The following SYT11 variants were observed in gnomAD, a reference collection of about 807,000 sequenced individuals.
SYT11 encodes synaptotagmin-11.
Under a neutral mutation model 30.4 loss-of-function variants are expected in SYT11, and 12 were observed. That is an observed-to-expected ratio of 0.39 (90% CI 0.25 to 0.64). The LOEUF (loss-of-function observed/expected upper bound fraction) is 0.64. Among genes scored for constraint, SYT11 ranks in the 30% least tolerant of loss-of-function variants. The pLI is 0.45. For synonymous variants in SYT11, 204 were observed against 216.0 expected (o/e 0.94, Z 0.49); for missense variants, 412 against 552.0 (o/e 0.75, Z 2.54).
intron 1 of SYT11, among the ~76,000 whole-genome samples, chr1:155,863,285 TA>T (rs1672620698): frequency 6.6e-6 from 1 of 151,834 alleles, no homozygotes; most frequent in Non-Finnish European, 1.5e-5. Context: ...ACCTTGTCTC[TA>T]AAAAAAATTT....
In SYT11 at chr1:155,880,550, G is replaced by A. The variant is rs749147221; in HGVS notation, c.912G>A (p.Val304=). 50 of 1,614,068 alleles carry A rather than the reference G, an allele frequency of 3.1e-5. No homozygotes were observed. Among genetic ancestry groups the A allele is most frequent in the Non-Finnish European group, 4.2e-5 (50 of 1,179,976 alleles). ...AGGTGTCTCTGTCATATCAGCCTGT[G>A]GCACAGAGAATGACAGTGGTGGTCC... is the stretch of plus-strand genomic sequence containing the variant. ...ELQVSLSYQP[V]AQRMTVVVLK... The change falls in exon 3 of 4, where the codon GTG becomes GTA. Residue 304 remains valine, a synonymous_variant. Coordinates refer to ENST00000368324, the MANE Select transcript of SYT11 (RefSeq NM_152280.5).
Position 155,883,739 on chromosome 1 carries a change from A to G in SYT11, c.*2231A>G, listed in dbSNP as rs1200377622. ...TTTGGCGAAGGGAGTCGGAAAGCTGAGTCTCTATGGACGGGGGGGTGATCT... is the reference window on the plus strand; with the variant it reads ...TTTGGCGAAGGGAGTCGGAAAGCTGGGTCTCTATGGACGGGGGGGTGATCT... On this transcript the variant is annotated 3_prime_UTR_variant, in exon 4 of 4. Transcript: ENST00000368324. 6.6e-6 allele frequency: 1 copy of G among 152,194 alleles called. No homozygotes were observed. The highest frequency in any genetic ancestry group is 2.4e-5 in the African/African-American group (1 of 41,396). The allele number at this position is 152,194 out of a possible 1,614,324, so 9.4% of individuals were successfully genotyped here.
chr1:155,879,955 A>C (rs1274875254), intron 2 of SYT11, among the ~76,000 whole-genome samples: 1 of 152,164 alleles, frequency 6.6e-6, no homozygotes, highest in Non-Finnish European at 1.5e-5. Context: ...GCATTTTGGG[A>C]GGCTGAGGCG....
rs1398846938 is a variant in SYT11, at chr1:155,860,233, G to T, written c.34+438G>T. Among the ~76,000 whole-genome samples, 1 of 152,204 alleles carries T rather than the reference G, an allele frequency of 6.6e-6. No individual in the cohort carries two copies. Among genetic ancestry groups the T allele is most frequent in the Non-Finnish European group, 1.5e-5 (1 of 68,030 alleles). On this transcript the variant is annotated intron_variant, in intron 1 of 3. Transcript: ENST00000368324. This position sits in a 1 kb window ranked among gnomAD's most constrained non-coding sequence, Gnocchi z 4.1. ...GGGAGGGAAGTGACAAGGGGGATGG[G>T]GCATCAAGATGGCAGCTTGGAGACT...
At chr1:155,879,259 A>G (rs984464970) in intron 2 of SYT11, among the ~76,000 whole-genome samples, 1 of 151,764 alleles carries the variant, frequency 6.6e-6, no homozygotes, top group Non-Finnish European at 1.5e-5. Flanking sequence ...TTTACTAAGA[A>G]TACAAAAATT....
intron 3 of SYT11, 127 bp downstream of exon 3, chr1:155,880,750 A>G (rs1430570585): frequency 8.6e-7 from 1 of 1,158,182 alleles, no homozygotes; most frequent in East Asian, 2.4e-5. Flanking sequence ...CTCTTTCTGT[A>G]GACATTCTCT....
intron 2 of SYT11, among the ~76,000 whole-genome samples, chr1:155,869,045 A>T (rs1672739047): frequency 6.6e-6 from 1 of 152,164 alleles, no homozygotes; most frequent in Non-Finnish European, 1.5e-5. Flanking sequence ...TGGCATCCTG[A>T]TGCTGTCCAG....
intron 2 of SYT11, among the ~76,000 whole-genome samples, chr1:155,872,165 A>C (rs1243803668): frequency 6.6e-6 from 1 of 152,234 alleles, no homozygotes; most frequent in East Asian, 1.9e-4. Flanking sequence ...TTGGAAGGCC[A>C]AGGCGGGAAG....
intron 2 of SYT11, among the ~76,000 whole-genome samples, chr1:155,877,220 A>G (rs1672879163): frequency 6.6e-6 from 1 of 151,750 alleles, no homozygotes; most frequent in Non-Finnish European, 1.5e-5. Context: ...CGCCCACCTC[A>G]GCCTCCCAAA....
chr1:155,872,013 A>C (rs1460368629), intron 2 of SYT11, among the ~76,000 whole-genome samples: 1 of 152,156 alleles, frequency 6.6e-6, no homozygotes, highest in Non-Finnish European at 1.5e-5. Flanking sequence ...TCTGGATTAC[A>C]TAGACCAGGA....
intron 2 of SYT11, among the ~76,000 whole-genome samples, chr1:155,871,294 G>A (rs1171216344): frequency 2.0e-5 from 3 of 151,958 alleles, no homozygotes; most frequent in South Asian, 2.1e-4. Flanking sequence ...GGGCTCTGCC[G>A]ACCCATTCTG....
rs1370893128 is a variant in SYT11, at chr1:155,885,052, A to C, written c.*3544A>C. 6.5e-6 allele frequency: 1 copy of C among 152,798 alleles called. No individual in the cohort carries two copies. The highest frequency in any genetic ancestry group is 2.1e-4 in the South Asian group (1 of 4,836). The allele number at this position is 152,798 out of a possible 1,614,324, so 9.5% of individuals were successfully genotyped here. ...AATAAATGTGTCAAATTTTGAAAAA[A>C]AAAGAAAACTGAAAAAGCTAACATG... On this transcript the variant is annotated 3_prime_UTR_variant, in exon 4 of 4. Coordinates refer to ENST00000368324, the MANE Select transcript of SYT11 (RefSeq NM_152280.5).
At position 155,869,310 on chromosome 1, in the gene SYT11, G is replaced by A. The variant is rs145863459; in HGVS notation, c.861+519G>A. The stretch of plus-strand genomic sequence containing the variant: ...TTTGAGACAGAGTTTCACTCTTGTC[G>A]CCCAGGCTGGAGTGCAATGGCGCAA... On this transcript the variant is annotated intron_variant, in intron 2 of 3. Coordinates refer to ENST00000368324, the MANE Select transcript of SYT11 (RefSeq NM_152280.5). Among the ~76,000 whole-genome samples the A allele has an allele frequency of 4.5e-3, 500 of 111,156 alleles. 6 individuals carry two copies. The highest frequency in any genetic ancestry group is 0.016 in the African/African-American group (474 of 28,780). 72.9% of individuals were successfully genotyped at this position (111,156 alleles called of 152,430 possible). A position where few individuals can be genotyped will look rare whatever the true frequency, so the allele number is the denominator to read the frequency against.
In SYT11 at chr1:155,868,202, G is replaced by T. The variant is rs528248189; in HGVS notation, c.272G>T (p.Arg91Leu). 2 of 1,614,162 alleles carry T rather than the reference G, an allele frequency of 1.2e-6. No homozygotes were observed. Among genetic ancestry groups the T allele is most frequent in the Non-Finnish European group, 1.7e-6 (2 of 1,180,008 alleles). Residue 91 changes from arginine to leucine, a missense_variant, in exon 2 of 4, where the codon CGT (arginine) becomes CTT (leucine). By Grantham distance (102) the Arg-to-Leu change is moderately radical. Coordinates refer to ENST00000368324, the MANE Select transcript of SYT11 (RefSeq NM_152280.5). This position sits in a 1 kb window ranked among gnomAD's most constrained non-coding sequence, Gnocchi z 4.7. ...GATGGTCCTGGGAGGGAAGGTGGAC[G>T]TAGGAACCTGTTGGTGGACGCAGCA... ...DKDGPGREGG[R>L]RNLLVDAAEA...
chr1:155,873,558 A>G (rs1160977927), intron 2 of SYT11, among the ~76,000 whole-genome samples: 2 of 152,248 alleles, frequency 1.3e-5, no homozygotes, highest in African/African-American at 4.8e-5. Flanking sequence ...AGAAATGGAT[A>G]TATCAAACCT....
At chr1:155,864,538 T>C (rs1480150193) in intron 1 of SYT11, among the ~76,000 whole-genome samples, 1 of 152,092 alleles carries the variant, frequency 6.6e-6, no homozygotes, top group African/African-American at 2.4e-5. Context: ...ATACCTCTAA[T>C]AGAAGGGAAA....
chr1:155,866,109 T>C, intron 1 of SYT11, among the ~76,000 whole-genome samples: 1 of 54,856 alleles, frequency 1.8e-5, no homozygotes, highest in African/African-American at 3.7e-5. Context: ...CTTTCTCTTT[T>C]TTTTTTCTTT....
chr1:155,881,483 A>G lies in SYT11; in HGVS notation c.1271A>G (p.Lys424Arg), dbSNP rs1306138232. ...GAGAGCCCCCGCAAGCCTGTGGCCA[A>G]GTGGCACAGTCTGAGCGAGTACTAA... ...VCESPRKPVA[K>R]WHSLSEY Residue 424 changes from lysine to arginine, a missense_variant, in exon 4 of 4, where the codon AAG becomes AGG. Physicochemically the swap from Lys to Arg is conservative, Grantham distance 26 (BLOSUM62 2). Coordinates refer to ENST00000368324, the MANE Select transcript of SYT11 (RefSeq NM_152280.5). 1 of 1,610,508 alleles carries G rather than the reference A, an allele frequency of 6.2e-7. No homozygotes were observed.
At chr1:155,864,958 A>G (rs549445720) in intron 1 of SYT11, among the ~76,000 whole-genome samples, 82 of 151,842 alleles carry the variant, frequency 5.4e-4, no homozygotes, top group Non-Finnish European at 8.1e-4. Flanking sequence ...TGATCTGCCT[A>G]CCTCAGCCTC....
Sources: gnomAD v4.1 joint callset for allele counts (sites outside exome capture counted in the v4.1 genomes callset) on GRCh38, gnomAD v4.1.1 for gene constraint, Gnocchi (gnomAD v3.1) non-coding constraint, MANE v1.5 for transcripts, NCBI Gene and HGNC (gene_info 2026-07-23, HGNC 2026-07-21) for gene names.